EBF4: variants seen among roughly 807,000 people sequenced by gnomAD.
The protein encoded by EBF4 is transcription factor COE4.
In EBF4, 34 loss-of-function variants were observed where a neutral mutation model predicts 67.1. The observed-to-expected ratio is 0.51, with a 90% CI of 0.39 to 0.67. The LOEUF (loss-of-function observed/expected upper bound fraction) is 0.67. Among genes scored for constraint, EBF4 ranks in the 30% least tolerant of loss-of-function variants. The pLI is 0.00. For synonymous variants in EBF4, 387 were observed against 377.7 expected (o/e 1.02, Z -0.29); for missense variants, 837 against 873.3 (o/e 0.96, Z 0.52).
intron 15 of EBF4, among the ~76,000 whole-genome samples, chr20:2,757,981 C>G (rs141057840): frequency 9.9e-4 from 151 of 152,254 alleles, no homozygotes; most frequent in Middle Eastern, 3.4e-3. Flanking sequence ...AAATAAATAA[C>G]ATACAAATAT....
At chr20:2,709,856 GCTGCTT>G (rs1392242215) in intron 6 of EBF4, among the ~76,000 whole-genome samples, 4 of 151,596 alleles carry the variant, frequency 2.6e-5, no homozygotes, top group African/African-American at 7.3e-5. Flanking sequence ...ACTTTCTGGA[GCTGCTT>G]TCCCCGACTC....
At chr20:2,740,808 T>A (rs913344239) in intron 6 of EBF4, among the ~76,000 whole-genome samples, 1 of 151,834 alleles carries the variant, frequency 6.6e-6, no homozygotes, top group African/African-American at 2.4e-5. Context: ...AGGTCTGGAG[T>A]GTGAATGGCC....
chr20:2,748,691 A>G lies in EBF4; in HGVS notation c.639+61A>G, dbSNP rs2088091283. 4.0e-6 allele frequency: 6 copies of G among 1,508,890 alleles called. No homozygotes were observed. The Admixed American group carries it at 5.9e-5, about 15-fold the overall frequency. The allele number at this position is 1,508,890 out of a possible 1,614,324, so 93.5% of individuals were successfully genotyped here. The stretch of plus-strand genomic sequence containing the variant: ...ACCCTTTCCTGATGGAGGGGAGGGG[A>G]GGGGGAAGGGAAGGCTGTGACCCTG... On this transcript the variant is annotated intron_variant, in intron 7 of 16. Transcript: ENST00000609451.
rs962119796 is a variant in EBF4 at position 2,750,572 on chromosome 20, G to A, written c.1018+599G>A. On this transcript the variant is annotated intron_variant, in intron 10 of 16. Transcript: ENST00000609451. ...CATCCTCCCGCCCCGCCCCAGCTGA[G>A]CCACCCACTTCTCCTCTCCACCCCA... Among the ~76,000 whole-genome samples the A allele has an allele frequency of 3.3e-5, 5 of 152,042 alleles. No homozygotes were observed. The East Asian group carries it at 9.7e-4, about 30-fold the overall frequency.
chr20:2,709,990 A>G (rs888789309), intron 6 of EBF4, among the ~76,000 whole-genome samples: 8 of 152,046 alleles, frequency 5.3e-5, no homozygotes, highest in Admixed American at 4.6e-4. Context: ...GTCAGCAAAA[A>G]CCAGGCTCAG....
chr20:2,697,773 C>T (rs1373864798), intron 1 of EBF4, among the ~76,000 whole-genome samples: 1 of 152,134 alleles, frequency 6.6e-6, no homozygotes, highest in Admixed American at 6.5e-5. Context: ...CCCCTGACTC[C>T]CCTGAAGACT....
At position 2,756,725 on chromosome 20, in the gene EBF4, A is replaced by G. The variant is rs924150799; in HGVS notation, c.1738+901A>G. 6.6e-6 allele frequency among the ~76,000 whole-genome samples: 1 copy of G among 152,222 alleles called. No homozygotes were observed. Among genetic ancestry groups the G allele is most frequent in the African/African-American group, 2.4e-5 (1 of 41,454 alleles). ...AAGGCTGCAGTGCAGTTTGTGGGGC[A>G]CTGATCTGGAAGAGGTTGGGTTAGA... On this transcript the variant is annotated intron_variant, in intron 15 of 16. Transcript: ENST00000609451. The surrounding 1 kb of genome is among the most constrained non-coding windows in gnomAD (Gnocchi z 4.5).
At position 2,749,396 on chromosome 20, in the gene EBF4, C is replaced by T. The variant is rs2088101960; in HGVS notation, c.640-5C>T. 5 of 1,529,318 alleles carry T rather than the reference C, an allele frequency of 3.3e-6. No homozygotes were observed. The East Asian group carries it at 7.5e-5, about 23-fold the overall frequency. 94.7% of individuals were successfully genotyped at this position (1,529,318 alleles called of 1,614,324 possible). A position where few individuals can be genotyped will look rare whatever the true frequency, so the allele number is the denominator to read the frequency against. ...CAGCCAGGCTGGCCTCGGCTCTCCC[C>T]GCAGGTGGTGGTGTCCACGACGGTG... On this transcript the variant is annotated splice_polypyrimidine_tract_variant and splice_region_variant and intron_variant, in intron 7 of 16. Transcript: ENST00000609451.
exon 7 of EBF4, chr20:2,748,583 A>G: frequency 6.4e-7 from 1 of 1,551,558 alleles, no homozygotes; most frequent in Non-Finnish European, 8.7e-7. Flanking sequence ...ATGCAACCAG[A>G]ACTGCCTGAA....
exon 10 of EBF4, chr20:2,749,964 G>T (rs2088116365): frequency 6.4e-7 from 1 of 1,550,458 alleles, no homozygotes; most frequent in Non-Finnish European, 8.7e-7. Context: ...CGGCCGCTTT[G>T]TCTACACAGG....
intron 7 of EBF4, 33 bp from the exon 8 acceptor site, chr20:2,749,368 C>T (rs1314824030): frequency 3.4e-5 from 51 of 1,493,266 alleles, no homozygotes; most frequent in Non-Finnish European, 4.6e-5. Context: ...CCCCCGAGGG[C>T]CCCAGCCAGG....
exon 14 of EBF4, chr20:2,752,542 G>A: frequency 2.4e-5 from 30 of 1,246,480 alleles, no homozygotes; most frequent in Non-Finnish European, 3.0e-5. Context: ...CTCGCCCTTC[G>A]CCAGTGAGTG....
rs1479207782 is a variant in EBF4 at position 2,752,004 on chromosome 20, C to T, written c.1173+17C>T. 6.5e-7 allele frequency: 1 copy of T among 1,537,220 alleles called. No individual in the cohort carries two copies. Among genetic ancestry groups the T allele is most frequent in the South Asian group, 1.2e-5 (1 of 82,976 alleles). ...AGTAACCAGGTATGGCGCCTCCGCCCTCCCAGCGCCGCCGGGACCGGGGCC... is the reference window on the plus strand; with the variant it reads ...AGTAACCAGGTATGGCGCCTCCGCCTTCCCAGCGCCGCCGGGACCGGGGCC... On this transcript the variant is annotated intron_variant, in intron 12 of 16. Transcript: ENST00000609451.
rs1002431996 is a variant in EBF4 at position 2,707,379 on chromosome 20, G to A, written c.415-568G>A. On this transcript the variant is annotated intron_variant, in intron 4 of 16. Transcript: ENST00000609451. The surrounding 1 kb of genome is among the most constrained non-coding windows in gnomAD (Gnocchi z 4.6). ...GGCAGAGGGAGGCTGGAAGACTGGT[G>A]AGGAGGTGATGCAGCAGTCCCAGGG... is the stretch of plus-strand genomic sequence containing the variant. 2.6e-5 allele frequency among the ~76,000 whole-genome samples: 4 copies of A among 152,168 alleles called. No individual in the cohort carries two copies. Among genetic ancestry groups the A allele is most frequent in the Non-Finnish European group, 5.9e-5 (4 of 68,012 alleles).
At chr20:2,699,877 G>A (rs538898935) in intron 1 of EBF4, among the ~76,000 whole-genome samples, 16 of 152,294 alleles carry the variant, frequency 1.1e-4, no homozygotes, top group Admixed American at 4.6e-4. Flanking sequence ...GGCATCCATC[G>A]TACCCCAGGC....
At chr20:2,750,803 C>G (rs1310704637) in intron 10 of EBF4, among the ~76,000 whole-genome samples, 1 of 152,114 alleles carries the variant, frequency 6.6e-6, no homozygotes, top group Non-Finnish European at 1.5e-5. Context: ...CTGCTGAGCC[C>G]GGCTCAACCG....
intron 1 of EBF4, among the ~76,000 whole-genome samples, chr20:2,695,980 G>A (rs1238307218): frequency 1.3e-5 from 2 of 151,356 alleles, no homozygotes; most frequent in East Asian, 3.9e-4. Context: ...ACCACTTTTA[G>A]CAATGAAACC....
chr20:2,751,806 GC>G lies in EBF4; in HGVS notation c.1107+19del. On this transcript the variant is annotated intron_variant, in intron 11 of 16. Transcript: ENST00000609451. This position sits in a 1 kb window ranked among gnomAD's most constrained non-coding sequence, Gnocchi z 5.2. ...TGCCCAAGGTACTCAGAGGGGCGGG[GC>G]GGGGCGGGGCTGAGGGTGTCCTGTG... 1 of 1,548,264 alleles carries G rather than the reference GC, an allele frequency of 6.5e-7. No individual in the cohort carries two copies. The highest frequency in any genetic ancestry group is 8.7e-7 in the Non-Finnish European group (1 of 1,145,472).
exon 10 of EBF4, chr20:2,749,948 A>G: frequency 2.6e-6 from 4 of 1,550,792 alleles, no homozygotes; most frequent in Non-Finnish European, 3.5e-6. Context: ...TTTGCAAGGG[A>G]TGCCCCGGCC....
Sources: gnomAD v4.1 joint callset for allele counts (sites outside exome capture counted in the v4.1 genomes callset) on GRCh38, gnomAD v4.1.1 for gene constraint, Gnocchi (gnomAD v3.1) non-coding constraint, MANE v1.5 for transcripts, NCBI Gene and HGNC (gene_info 2026-07-23, HGNC 2026-07-21) for gene names.